GRIP2: variants seen among roughly 807,000 people sequenced by gnomAD.
GRIP2 encodes the protein glutamate receptor-interacting protein 2.
In GRIP2, 58 loss-of-function variants were observed where a neutral mutation model predicts 108.3. The observed-to-expected ratio is 0.54, with a 90% CI of 0.43 to 0.67. The LOEUF (loss-of-function observed/expected upper bound fraction) is 0.67, where lower values mean the gene tolerates loss of function less well. Ranked by LOEUF, GRIP2 falls within the 30% of genes least tolerant of loss-of-function variation. GRIP2 has a pLI of 0.00. For synonymous variants in GRIP2, 586 were observed against 598.2 expected (o/e 0.98, Z 0.30); for missense variants, 1,278 against 1,430.6 (o/e 0.89, Z 1.72).
intron 2 of GRIP2, 58 bp downstream of exon 2, chr3:14,525,793 C>T: frequency 1.3e-6 from 2 of 1,513,666 alleles, no homozygotes; most frequent in Non-Finnish European, 1.8e-6. Context: ...CTGACCCCCA[C>T]CTAGGGCTCT....
At position 14,517,074 on chromosome 3, in the gene GRIP2, G is replaced by A. The variant is rs754953406; in HGVS notation, c.1296C>T (p.His432=). ...GAGACCACAGCTTACACGAGCTCTT[G>A]TGTTCCCTTCTTCGCTGCCTCCTCC... ...MGRRRQRRRE[H]KSSLSLASST... The change falls in exon 11 of 24, where the codon CAC becomes CAT. Residue 432 remains histidine, a synonymous_variant. Transcript: ENST00000621039. The A allele has an allele frequency of 2.5e-6, 4 of 1,583,228 alleles. No individual in the cohort carries two copies. The highest frequency in any genetic ancestry group is 1.8e-5 in the Admixed American group (1 of 55,266).
At position 14,512,021 on chromosome 3, in the gene GRIP2, C is replaced by T. The variant is rs1010233013; in HGVS notation, c.1721-542G>A. ...GTGAGCTGTGGAGAAACCTGAGAAA[C>T]GGGCTTGTGTCGAGGGCGGTAAATG... On this transcript the variant is annotated intron_variant, in intron 14 of 23. Coordinates refer to ENST00000621039, the MANE Select transcript of GRIP2 (RefSeq NM_001080423.4). The surrounding 1 kb of genome is among the most constrained non-coding windows in gnomAD (Gnocchi z 5.1). Among the ~76,000 whole-genome samples the T allele has an allele frequency of 2.0e-5, 3 of 152,178 alleles. No homozygotes were observed. The highest frequency in any genetic ancestry group is 4.4e-5 in the Non-Finnish European group (3 of 68,044).
intron 1 of GRIP2, among the ~76,000 whole-genome samples, chr3:14,549,089 C>A (rs955737595): frequency 6.6e-6 from 1 of 152,232 alleles, no homozygotes; most frequent in Non-Finnish European, 1.5e-5. Context: ...TGATTTCAAC[C>A]CCATGCCCAG....
At chr3:14,586,481 T>C in the GRIP2 span, among the ~76,000 whole-genome samples, 1 of 152,188 alleles carries the variant, frequency 6.6e-6, no homozygotes, top group Non-Finnish European at 1.5e-5. Context: ...ATGCCTAGGT[T>C]CGGGCAATGG....
upstream of GRIP2, chr3:14,540,467 A>C (rs1694942332): frequency 4.6e-6 from 7 of 1,518,488 alleles, no homozygotes; most frequent in Admixed American, 2.0e-5. The surrounding 1 kb of genome is among the most constrained non-coding windows in gnomAD (Gnocchi z 4.1). Flanking sequence ...CTCTGCTTAA[A>C]GGGGACATGG....
chr3:14,573,825 T>C, the GRIP2 span: 1 of 1,514,064 alleles, frequency 6.6e-7, no homozygotes, highest in Non-Finnish European at 9.1e-7. Context: ...GGCGCTGGAA[T>C]GGATGGGTCA....
chr3:14,592,248 G>C, the GRIP2 span, among the ~76,000 whole-genome samples: 5 of 152,192 alleles, frequency 3.3e-5, no homozygotes, highest in African/African-American at 1.2e-4. Context: ...TGACAGATAG[G>C]ACCATGCAGA....
chr3:14,540,388 G>A (rs1389688760), upstream of GRIP2: 6 of 1,610,288 alleles, frequency 3.7e-6, no homozygotes, highest in Admixed American at 1.7e-5. The surrounding 1 kb of genome is among the most constrained non-coding windows in gnomAD (Gnocchi z 4.1). Flanking sequence ...CCCCAGGGAG[G>A]GGCTGTGGGA....
At chr3:14,585,414 A>C in the GRIP2 span, among the ~76,000 whole-genome samples, 1 of 152,276 alleles carries the variant, frequency 6.6e-6, no homozygotes, top group Non-Finnish European at 1.5e-5. Flanking sequence ...TGGGGCCCAC[A>C]CAGCCTCCAT....
rs777582626 is a variant in GRIP2, at chr3:14,493,772, C to T, written c.3025G>A (p.Ala1009Thr). 3.7e-6 allele frequency: 6 copies of T among 1,613,122 alleles called. No individual in the cohort carries two copies. The South Asian group carries it at 6.6e-5, about 18-fold the overall frequency. Residue 1009 changes from alanine to threonine, a missense_variant, in exon 24 of 24, where the codon GCC (alanine) becomes ACC (threonine). Physicochemically the swap from Ala to Thr is moderately conservative, Grantham distance 58 (BLOSUM62 0). Coordinates refer to ENST00000621039, the MANE Select transcript of GRIP2 (RefSeq NM_001080423.4). ...FDCCLAVPLL[A>T]EAGDVLELII... is the part of the protein sequence containing the mutation. ...AGCTCCAAGACATCACCCGCCTCGG[C>T]CAGGAGTGGCACCGCCAGGCAGCAG...
the GRIP2 span, chr3:14,574,457 A>C: frequency 1.4e-6 from 1 of 708,892 alleles, no homozygotes. Flanking sequence ...CTCGCTCCAA[A>C]GGCAGCATCA....
At chr3:14,494,722 T>C in intron 23 of GRIP2, 121 bp downstream of exon 23, 2 of 1,272,430 alleles carry the variant, frequency 1.6e-6, no homozygotes, top group Non-Finnish European at 2.1e-6. Context: ...CAACTTTGGC[T>C]AACCTGACTC....
chr3:14,529,152 G>A lies in GRIP2; in HGVS notation c.41-3221C>T, dbSNP rs113874031. 9.9e-3 allele frequency among the ~76,000 whole-genome samples: 1,498 copies of A among 151,728 alleles called. 25 individuals are homozygous for A. The highest frequency in any genetic ancestry group is 0.034 in the African/African-American group (1,425 of 41,388). ...AAATTAGCTGGGCGTGGTGGCAGGC[G>A]CCTGTAGTCCCAGCTACCTGGGAGG... On this transcript the variant is annotated intron_variant, in intron 1 of 23. Coordinates refer to ENST00000621039, the MANE Select transcript of GRIP2 (RefSeq NM_001080423.4).
chr3:14,493,186 C>A lies in GRIP2; in HGVS notation c.*479G>T, dbSNP rs1346932823. On this transcript the variant is annotated 3_prime_UTR_variant, in exon 24 of 24. Coordinates refer to ENST00000621039, the MANE Select transcript of GRIP2 (RefSeq NM_001080423.4). ...GCGTGTGCACGCATCATGGGAATGCCTCATACCCCAATGCATGACTGCGCT... is the reference window on the plus strand; with the variant it reads ...GCGTGTGCACGCATCATGGGAATGCATCATACCCCAATGCATGACTGCGCT... 1.3e-5 allele frequency: 2 copies of A among 155,832 alleles called. No individual in the cohort carries two copies. The highest frequency in any genetic ancestry group is 3.8e-4 in the East Asian group (2 of 5,292). The allele number at this position is 155,832 out of a possible 1,614,324, so 9.7% of individuals were successfully genotyped here. A position where few individuals can be genotyped will look rare whatever the true frequency, so the allele number is the denominator to read the frequency against.
the GRIP2 span, among the ~76,000 whole-genome samples, chr3:14,592,135 G>A: frequency 6.6e-6 from 1 of 152,252 alleles, no homozygotes; most frequent in Non-Finnish European, 1.5e-5. Context: ...CCACATAGAG[G>A]GGCATCTCTG....
the GRIP2 span, among the ~76,000 whole-genome samples, chr3:14,571,288 A>T: frequency 6.6e-6 from 1 of 152,058 alleles, no homozygotes; most frequent in Non-Finnish European, 1.5e-5. Flanking sequence ...CCTCGTAGGC[A>T]TCTGTGTTTG....
intron 20 of GRIP2, 193 bp from the exon 21 acceptor site, chr3:14,503,864 G>T: frequency 1.7e-6 from 1 of 592,836 alleles, no homozygotes; most frequent in Admixed American, 3.0e-5. Context: ...CGGAATAGGG[G>T]AAAGACGCAG....
upstream of GRIP2, chr3:14,541,836 G>A: frequency 1.6e-6 from 2 of 1,274,794 alleles, no homozygotes; most frequent in Non-Finnish European, 2.1e-6. Flanking sequence ...ACATTTCCTG[G>A]ACGACTCAAA....
At chr3:14,529,337 C>T (rs1694650870) in intron 1 of GRIP2, among the ~76,000 whole-genome samples, 2 of 151,196 alleles carry the variant, frequency 1.3e-5, no homozygotes, top group Admixed American at 6.6e-5. Flanking sequence ...GGTATTACCT[C>T]ACAGGTAGTT....
Sources: gnomAD v4.1 joint callset for allele counts (sites outside exome capture counted in the v4.1 genomes callset) on GRCh38, gnomAD v4.1.1 for gene constraint, Gnocchi (gnomAD v3.1) non-coding constraint, MANE v1.5 for transcripts, NCBI Gene and HGNC (gene_info 2026-07-23, HGNC 2026-07-21) for gene names.